The following COMMD10 variants were observed in gnomAD, a reference collection of about 807,000 sequenced individuals.
COMMD10 encodes the protein COMM domain containing 10.
COMMD10 carries 33 observed loss-of-function variants against 28.9 expected under a neutral mutation model. The observed-to-expected ratio is 1.14, with a 90% CI of 0.87 to 1.53. The LOEUF is 1.53. COMMD10 is among the 40% of genes most tolerant of loss of function. The pLI, the probability that COMMD10 is intolerant of heterozygous loss-of-function variation, is 0.00. For synonymous variants in COMMD10, 110 were observed against 81.7 expected, an observed-to-expected ratio of 1.35 and a Z score of -1.87; for missense variants, 310 against 233.4, an observed-to-expected ratio of 1.33 and a Z score of -2.14.
intron 5 of COMMD10, among the ~76,000 whole-genome samples, chr5:116,232,409 G>T (rs1749550712): frequency 6.6e-6 from 1 of 151,572 alleles, no homozygotes; most frequent in Admixed American, 6.6e-5. Flanking sequence ...AGGTAAACAA[G>T]CAAGATAGGA....
At chr5:116,238,675 A>C in intron 5 of COMMD10, among the ~76,000 whole-genome samples, 1 of 152,172 alleles carries the variant, frequency 6.6e-6, no homozygotes, top group Non-Finnish European at 1.5e-5. Context: ...AATTCTACTT[A>C]AGACATAAAA....
chr5:116,213,019 G>C (rs1289695471), intron 5 of COMMD10, among the ~76,000 whole-genome samples: 4 of 151,966 alleles, frequency 2.6e-5, no homozygotes, highest in African/African-American at 9.7e-5. Flanking sequence ...TAATATGTTA[G>C]GGATTTAATA....
chr5:116,222,279 A>G (rs748954184), intron 5 of COMMD10, among the ~76,000 whole-genome samples: 1 of 152,240 alleles, frequency 6.6e-6, no homozygotes, highest in African/African-American at 2.4e-5. Context: ...GGACCTTAAC[A>G]AAACTTAGTT....
At chr5:116,158,170 C>CCTCCCTCCTCTCT (rs1561637741) in intron 5 of COMMD10, among the ~76,000 whole-genome samples, 1 of 5,408 alleles carries the variant, frequency 1.8e-4, no homozygotes, top group African/African-American at 9.2e-4. Context: ...CCCTCCTCTC[C>CCTCCCTCCTCTCT]CTCCGTCTCC....
intron 5 of COMMD10, among the ~76,000 whole-genome samples, chr5:116,270,778 T>A (rs1750732314): frequency 6.6e-6 from 1 of 151,492 alleles, no homozygotes; most frequent in Non-Finnish European, 1.5e-5. Context: ...CTCTACTGAA[T>A]ACAGAAGAAT....
chr5:116,254,836 C>G (rs1750234395), intron 5 of COMMD10, among the ~76,000 whole-genome samples: 1 of 151,350 alleles, frequency 6.6e-6, no homozygotes, highest in South Asian at 2.1e-4. Flanking sequence ...GAGCTGAGTT[C>G]AATTCCTGGG....
chr5:116,123,056 A>T lies in COMMD10; in HGVS notation c.400-11012A>T, dbSNP rs554245247. On this transcript the variant is annotated intron_variant, in intron 4 of 6. Coordinates refer to ENST00000274458, the MANE Select transcript of COMMD10 (RefSeq NM_016144.4). ...AGAAAGGGCATCCCTGTCTTGTGCT[A>T]GTTTTCAAAGGGAATGCTTCTAGTT... 3.9e-5 allele frequency among the ~76,000 whole-genome samples: 6 copies of T among 152,258 alleles called. 1 individual carries two copies. In the Middle Eastern group the frequency reaches 0.01, roughly 259 times the overall value.
At chr5:116,261,112 C>T (rs938217393) in intron 5 of COMMD10, among the ~76,000 whole-genome samples, 2 of 151,700 alleles carry the variant, frequency 1.3e-5, no homozygotes, top group Admixed American at 1.3e-4. Context: ...GAAAAGTGCA[C>T]CTGCATCCAA....
intron 4 of COMMD10, among the ~76,000 whole-genome samples, chr5:116,131,492 G>A (rs560200240): frequency 6.6e-6 from 1 of 151,982 alleles, no homozygotes; most frequent in East Asian, 1.9e-4. Flanking sequence ...TCCTACCAAA[G>A]CCATAGCCAA....
At chr5:116,151,534 A>C (rs1752528551) in intron 5 of COMMD10, among the ~76,000 whole-genome samples, 1 of 152,086 alleles carries the variant, frequency 6.6e-6, no homozygotes, top group Non-Finnish European at 1.5e-5. Flanking sequence ...ACAATTTCAG[A>C]GCCTGTTATT....
intron 5 of COMMD10, among the ~76,000 whole-genome samples, chr5:116,261,952 T>G (rs1750458768): frequency 6.6e-6 from 1 of 151,808 alleles, no homozygotes; most frequent in Admixed American, 6.6e-5. Flanking sequence ...TCTTTGACTA[T>G]TCTAAGCACT....
At chr5:116,250,905 TG>T (rs1200558833) in intron 5 of COMMD10, among the ~76,000 whole-genome samples, 1 of 151,974 alleles carries the variant, frequency 6.6e-6, no homozygotes, top group East Asian at 1.9e-4. Context: ...ATGAACCATA[TG>T]GGAAAGGGTG....
chr5:116,134,183 G>A lies in COMMD10; in HGVS notation c.510+5G>A. The A allele has an allele frequency of 6.7e-7, 1 of 1,494,826 alleles. No individual in the cohort carries two copies. The highest frequency in any genetic ancestry group is 1.1e-5 in the South Asian group (1 of 88,554). The allele number at this position is 1,494,826 out of a possible 1,614,324, so 92.6% of individuals were successfully genotyped here. On this transcript the variant is annotated splice_donor_5th_base_variant and intron_variant, in intron 5 of 6. Coordinates refer to ENST00000274458, the MANE Select transcript of COMMD10 (RefSeq NM_016144.4). ...GTGAACAATGAAGATTCAAAGGTAAGAAATGGTATCCCATTAAAAGGATGT... is the reference window on the plus strand; with the variant it reads ...GTGAACAATGAAGATTCAAAGGTAAAAAATGGTATCCCATTAAAAGGATGT...
rs138138184 is a variant in COMMD10, at chr5:116,134,128, A to C, written c.460A>C (p.Lys154Gln). 3.1e-4 allele frequency: 505 copies of C among 1,612,792 alleles called. 2 individuals are homozygous for C. The African/African-American group carries it at 5.8e-3, about 18-fold the overall frequency. Residue 154 changes from lysine to glutamine, a missense_variant, in exon 5 of 7, where the codon AAA becomes CAA. Lys to Gln is a moderately conservative substitution (Grantham distance 53). Transcript: ENST00000274458. ...GGCTCACTCTGCTCAAGCAAAACTA[A>C]AATCTCCTCAAGCTGTGTTACAACT... is the stretch of plus-strand genomic sequence containing the variant. ...QMAHSAQAKL[K>Q]SPQAVLQLGV... is the part of the protein sequence containing the mutation.
chr5:116,121,558 C>G (rs1373119343), intron 4 of COMMD10, among the ~76,000 whole-genome samples: 1 of 152,228 alleles, frequency 6.6e-6, no homozygotes, highest in African/African-American at 2.4e-5. Flanking sequence ...AATCGCCACA[C>G]TGTCTTCCAC....
chr5:116,198,495 T>C (rs776742307), intron 5 of COMMD10, among the ~76,000 whole-genome samples: 4 of 152,188 alleles, frequency 2.6e-5, no homozygotes, highest in East Asian at 3.8e-4. Context: ...TAGAGTGATA[T>C]GTTTGTCACA....
intron 5 of COMMD10, among the ~76,000 whole-genome samples, chr5:116,190,547 G>A (rs1231538376): frequency 6.6e-6 from 1 of 151,922 alleles, no homozygotes; most frequent in East Asian, 1.9e-4. Context: ...CTGCTTTTTT[G>A]CCTATGCCAG....
rs1753008180 is a variant in COMMD10 at position 116,163,972 on chromosome 5, T to C, written c.510+29794T>C. Among the ~76,000 whole-genome samples, 8 of 152,310 alleles carry C rather than the reference T, an allele frequency of 5.3e-5. No homozygotes were observed. In the South Asian group the frequency reaches 1.2e-3, roughly 24 times the overall value. Reference sequence around the variant, plus strand: ...CTTTCCCATTGAAGTTACAGGTTTATCTACAAAGGGGTGATGGAAATACTT... The same window carrying C: ...CTTTCCCATTGAAGTTACAGGTTTACCTACAAAGGGGTGATGGAAATACTT... On this transcript the variant is annotated intron_variant, in intron 5 of 6. Transcript: ENST00000274458.
At chr5:116,133,517 C>T (rs948358204) in intron 4 of COMMD10, among the ~76,000 whole-genome samples, 9 of 152,112 alleles carry the variant, frequency 5.9e-5, no homozygotes, top group Admixed American at 5.9e-4. Context: ...CAATTCTCTG[C>T]CTGTTTCAAT....
Sources: allele counts gnomAD v4.1 joint callset (sites outside exome capture counted in the v4.1 genomes callset), GRCh38; gene constraint gnomAD v4.1.1; transcripts MANE v1.5; gene names NCBI Gene and HGNC (gene_info 2026-07-23, HGNC 2026-07-21).